The following TNNI3K variants were observed in gnomAD, a reference collection of about 807,000 sequenced individuals.
TNNI3K encodes serine/threonine-protein kinase TNNI3K.
In TNNI3K, 140 loss-of-function variants were observed where a neutral mutation model predicts 114.5. That is an observed-to-expected ratio of 1.22 (90% CI 1.07 to 1.41). The LOEUF (loss-of-function observed/expected upper bound fraction) is 1.41, where lower values mean the gene tolerates loss of function less well. TNNI3K is among the 40% of genes most tolerant of loss of function. The pLI is 0.00. For synonymous variants in TNNI3K, 347 were observed against 347.5 expected (o/e 1.00, Z 0.02); for missense variants, 1,125 against 1,007.6 (o/e 1.12, Z -1.58).
At position 74,492,216 on chromosome 1, in the gene TNNI3K, C is replaced by G; in HGVS notation, c.2301C>G (p.Phe767Leu). ...RSHVAALRSR[F>L]ELEYALNARS... ...ATGTGGCAGCATTAAGAAGTCGTTT[C>G]GAATTGGAATATGCTCTAAATGCAA... Residue 767 changes from phenylalanine to leucine, a missense_variant, in exon 23 of 25, where the codon TTC (phenylalanine) becomes TTG (leucine). Phe to Leu is a conservative substitution (Grantham distance 22, BLOSUM62 0). Transcript: ENST00000326637. 1.9e-6 allele frequency: 3 copies of G among 1,612,454 alleles called. No homozygotes were observed. The highest frequency in any genetic ancestry group is 2.5e-6 in the Non-Finnish European group (3 of 1,178,880).
At chr1:74,367,826 C>G (rs1212571855) in intron 12 of TNNI3K, 82 bp from the exon 13 acceptor site, 6 of 1,345,254 alleles carry the variant, frequency 4.5e-6, no homozygotes, top group South Asian at 1.4e-5. Flanking sequence ...GTTTCGTCAC[C>G]TGCTTATTTT....
chr1:74,272,651 A>G (rs375520943), intron 5 of TNNI3K, among the ~76,000 whole-genome samples: 150 of 152,004 alleles, frequency 9.9e-4, no homozygotes, highest in Admixed American at 2.2e-3. Context: ...CAAATCACAC[A>G]GTGTTTTAAA....
chr1:74,435,980 A>G, intron 17 of TNNI3K, 100 bp from the exon 18 acceptor site: 6 of 1,464,156 alleles, frequency 4.1e-6, no homozygotes, highest in Non-Finnish European at 5.5e-6. Context: ...CTCTAGGGCA[A>G]ACAAATGATG....
At chr1:74,495,195 T>G (rs901171725) in intron 23 of TNNI3K, among the ~76,000 whole-genome samples, 1 of 152,210 alleles carries the variant, frequency 6.6e-6, no homozygotes, top group African/African-American at 2.4e-5. Context: ...CTTAACAGCA[T>G]GGCATTTCCC....
intron 23 of TNNI3K, among the ~76,000 whole-genome samples, chr1:74,502,162 T>G (rs541055800): frequency 6.6e-6 from 1 of 152,278 alleles, no homozygotes. Context: ...TTACTTGGAG[T>G]GATAATCTTA....
chr1:74,368,794 A>C (rs1662422031), intron 13 of TNNI3K, among the ~76,000 whole-genome samples: 1 of 151,886 alleles, frequency 6.6e-6, no homozygotes, highest in Admixed American at 6.6e-5. Flanking sequence ...CCCTGGTAAC[A>C]AGGAGTGAGT....
At chr1:74,412,334 A>G (rs912723146) in intron 17 of TNNI3K, among the ~76,000 whole-genome samples, 10 of 152,082 alleles carry the variant, frequency 6.6e-5, no homozygotes, top group African/African-American at 2.4e-4. Context: ...TCCTACCCTG[A>G]CTGAGGACTT....
intron 2 of TNNI3K, among the ~76,000 whole-genome samples, chr1:74,236,770 T>G (rs888091265): frequency 1.3e-5 from 2 of 151,934 alleles, no homozygotes; most frequent in Admixed American, 1.3e-4. Context: ...AGAAAAATAA[T>G]CTAAGTGTCA....
At chr1:74,350,039 C>T (rs1021999927) in intron 9 of TNNI3K, among the ~76,000 whole-genome samples, 2 of 152,062 alleles carry the variant, frequency 1.3e-5, no homozygotes, top group Non-Finnish European at 2.9e-5. Flanking sequence ...GCTCTTGCTT[C>T]TCTAGTTCTT....
At chr1:74,469,836 C>G (rs928665190) in intron 21 of TNNI3K, 1 of 400,166 alleles carries the variant, frequency 2.5e-6, no homozygotes, top group Non-Finnish European at 4.4e-6. Context: ...TTGAAGAAAG[C>G]TAAAGTAGAA....
At chr1:74,464,722 A>G in intron 21 of TNNI3K, 1 of 1,585,070 alleles carries the variant, frequency 6.3e-7, no homozygotes. Context: ...TGGGATGTGG[A>G]TTGAGTATCT....
At chr1:74,252,629 T>C (rs1168503445) in intron 4 of TNNI3K, among the ~76,000 whole-genome samples, 3 of 152,088 alleles carry the variant, frequency 2.0e-5, no homozygotes, top group African/African-American at 7.2e-5. Context: ...AGTTTCTTCT[T>C]TCTGGTGGGT....
rs116038113 is a variant in TNNI3K at position 74,375,336 on chromosome 1, T to A, written c.1772+4944T>A. ...TTCATGGACATAGGCCAAAATAACT[T>A]TGGGAGGAACTTGAAACTAAGACAA... is the stretch of plus-strand genomic sequence containing the variant. On this transcript the variant is annotated intron_variant, in intron 17 of 24. Transcript: ENST00000326637. 782 of 204,518 alleles carry A rather than the reference T, an allele frequency of 3.8e-3. 10 individuals are homozygous for A. Among genetic ancestry groups the A allele is most frequent in the African/African-American group, 0.017 (741 of 43,784 alleles). 12.7% of individuals were successfully genotyped at this position (204,518 alleles called of 1,614,324 possible).
chr1:74,258,232 T>C (rs1655449978), intron 4 of TNNI3K, among the ~76,000 whole-genome samples: 1 of 152,174 alleles, frequency 6.6e-6, no homozygotes, highest in South Asian at 2.1e-4. Flanking sequence ...AGCTCAACAA[T>C]ACATAATGGA....
chr1:74,288,502 T>G (rs1374362566), intron 5 of TNNI3K, among the ~76,000 whole-genome samples: 1 of 151,968 alleles, frequency 6.6e-6, no homozygotes, highest in Admixed American at 6.6e-5. Flanking sequence ...TTATGCCAAG[T>G]GAAATAAGCT....
chr1:74,395,514 T>C (rs1357052497), intron 17 of TNNI3K, among the ~76,000 whole-genome samples: 2 of 152,202 alleles, frequency 1.3e-5, no homozygotes, highest in Admixed American at 1.3e-4. Context: ...CCCCAGCAAC[T>C]GGGCAACCTC....
At chr1:74,541,405 T>A (rs1267260408) in intron 24 of TNNI3K, 4 of 152,226 alleles carry the variant, frequency 2.6e-5, no homozygotes, top group Admixed American at 2.0e-4. Context: ...AGATGAGTGC[T>A]TTTTATCATC....
Position 74,309,719 on chromosome 1 carries a change from C to T in TNNI3K, c.445-21731C>T, listed in dbSNP as rs183184946. Among the ~76,000 whole-genome samples the T allele has an allele frequency of 1.3e-3, 194 of 152,250 alleles. 2 individuals carry two copies. Among genetic ancestry groups the T allele is most frequent in the Admixed American group, 0.011 (163 of 15,294 alleles). ...TTGACAACCAAGAACAAATTATCAT[C>T]TCAATAGACACAGAAAAGGCACTTG... is the stretch of plus-strand genomic sequence containing the variant. On this transcript the variant is annotated intron_variant, in intron 5 of 24. Transcript: ENST00000326637.
intron 1 of TNNI3K, among the ~76,000 whole-genome samples, chr1:74,235,838 G>A (rs1168943824): frequency 6.6e-6 from 1 of 151,052 alleles, no homozygotes; most frequent in Non-Finnish European, 1.5e-5. Flanking sequence ...TAATTAAAAT[G>A]CAATAAAATC....
Sources: gnomAD v4.1 joint callset for allele counts (sites outside exome capture counted in the v4.1 genomes callset) on GRCh38, gnomAD v4.1.1 for gene constraint, MANE v1.5 for transcripts, NCBI Gene and HGNC (gene_info 2026-07-23, HGNC 2026-07-21) for gene names.